The following CNTNAP4 variants were observed in gnomAD, a reference collection of about 807,000 sequenced individuals.
The protein encoded by CNTNAP4 is contactin-associated protein-like 4.
Under a neutral mutation model 148.4 loss-of-function variants are expected in CNTNAP4, and 98 were observed. The observed-to-expected ratio is 0.66, with a 90% CI of 0.56 to 0.78. CNTNAP4 has a LOEUF of 0.78. Ranked by LOEUF, CNTNAP4 falls within the 30% of genes least tolerant of loss-of-function variation. The pLI is 0.00. For synonymous variants in CNTNAP4, 730 were observed against 565.1 expected (o/e 1.29, Z -4.14); for missense variants, 1,935 against 1,565.6 (o/e 1.24, Z -3.98).
intron 3 of CNTNAP4, among the ~76,000 whole-genome samples, chr16:76,374,689 CTG>C (rs2015222659): frequency 1.3e-5 from 2 of 151,496 alleles, no homozygotes; most frequent in African/African-American, 2.4e-5. Context: ...AATTTTTAGT[CTG>C]TGAACATTTA....
chr16:76,296,371 A>T (rs1431620214), intron 1 of CNTNAP4, among the ~76,000 whole-genome samples: 1 of 152,208 alleles, frequency 6.6e-6, no homozygotes, highest in Non-Finnish European at 1.5e-5. Context: ...CTGCCTTATG[A>T]TAGAAGACTG....
At chr16:76,481,510 T>G (rs1436658698) in intron 12 of CNTNAP4, among the ~76,000 whole-genome samples, 1 of 152,094 alleles carries the variant, frequency 6.6e-6, no homozygotes, top group East Asian at 1.9e-4. Flanking sequence ...TGAGACCCCA[T>G]CTCTATTTTT....
intron 21 of CNTNAP4, among the ~76,000 whole-genome samples, chr16:76,545,021 A>C (rs2084648117): frequency 6.6e-6 from 1 of 152,224 alleles, no homozygotes; most frequent in South Asian, 2.1e-4. Flanking sequence ...GACCTAGGTA[A>C]ATTAAGGGAA....
chr16:76,392,728 C>A (rs1160472412), intron 3 of CNTNAP4, among the ~76,000 whole-genome samples: 1 of 152,136 alleles, frequency 6.6e-6, no homozygotes, highest in African/African-American at 2.4e-5. Context: ...TAGGGAGGAG[C>A]TCTTTTTTGA....
intron 2 of CNTNAP4, among the ~76,000 whole-genome samples, chr16:76,354,796 CTG>C (rs1423577951): frequency 6.6e-6 from 1 of 152,204 alleles, no homozygotes; most frequent in Non-Finnish European, 1.5e-5. Flanking sequence ...TCCCAAAAGA[CTG>C]TAAACATCTT....
At chr16:76,309,348 CA>C (rs1960840185) in intron 1 of CNTNAP4, among the ~76,000 whole-genome samples, 1 of 151,892 alleles carries the variant, frequency 6.6e-6, no homozygotes, top group African/African-American at 2.4e-5. Context: ...GGTTGGCCAC[CA>C]CCATTTGAGT....
intron 4 of CNTNAP4, among the ~76,000 whole-genome samples, chr16:76,442,817 C>G (rs1407472749): frequency 6.6e-6 from 1 of 152,070 alleles, no homozygotes; most frequent in African/African-American, 2.4e-5. Flanking sequence ...CACTGGGGAA[C>G]AAATTTCAAT....
rs367809458 is a variant in CNTNAP4, at chr16:76,522,018, C to T, written c.2537-21C>T. ...CGCCATAGGAACTCACTAGAACAAT[C>T]TTTATGTGTAATATTTCCAGCTCCG... On this transcript the variant is annotated intron_variant, in intron 16 of 23. Transcript: ENST00000611870. 3.7e-6 allele frequency: 6 copies of T among 1,610,500 alleles called. No homozygotes were observed. In the Admixed American group the frequency reaches 6.7e-5, roughly 18 times the overall value.
At chr16:76,369,381 A>C (rs564696395) in intron 3 of CNTNAP4, among the ~76,000 whole-genome samples, 129 of 152,352 alleles carry the variant, frequency 8.5e-4, no homozygotes, top group African/African-American at 3.0e-3. Flanking sequence ...AAGTATATAC[A>C]TGAAATGGGA....
At chr16:76,531,455 C>T (rs2083981746) in intron 17 of CNTNAP4, among the ~76,000 whole-genome samples, 1 of 152,138 alleles carries the variant, frequency 6.6e-6, no homozygotes, top group South Asian at 2.1e-4. Context: ...TTCAGTTAAA[C>T]TCAATAAACA....
intron 17 of CNTNAP4, among the ~76,000 whole-genome samples, chr16:76,534,639 C>G (rs1293581996): frequency 6.6e-6 from 1 of 152,198 alleles, no homozygotes; most frequent in East Asian, 1.9e-4. Context: ...TAGTGATCAT[C>G]TGAATTAGAA....
Position 76,481,602 on chromosome 16 carries a change from C to T in CNTNAP4, c.1882+2064C>T, listed in dbSNP as rs144101816. 9.5e-4 allele frequency among the ~76,000 whole-genome samples: 145 copies of T among 152,192 alleles called. 1 individual carries two copies. The highest frequency in any genetic ancestry group is 3.3e-3 in the African/African-American group (137 of 41,506). ...CTCCCGGGGCTAGTATGGAGTGTATCATTGTAGATGTAGAACCTTGTCATT... is the reference window on the plus strand; with the variant it reads ...CTCCCGGGGCTAGTATGGAGTGTATTATTGTAGATGTAGAACCTTGTCATT... On this transcript the variant is annotated intron_variant, in intron 12 of 23. Coordinates refer to ENST00000611870, the MANE Select transcript of CNTNAP4 (RefSeq NM_033401.5).
intron 3 of CNTNAP4, among the ~76,000 whole-genome samples, chr16:76,387,022 A>G (rs2340431): frequency 0.029 from 4,122 of 141,708 alleles, 89 homozygotes; most frequent in Admixed American, 0.065. Context: ...TGGAAAGGAC[A>G]AGGAAATGAA....
intron 2 of CNTNAP4, among the ~76,000 whole-genome samples, chr16:76,343,230 G>A (rs1311435390): frequency 6.6e-6 from 1 of 151,952 alleles, no homozygotes; most frequent in East Asian, 1.9e-4. Context: ...AACTGTGATA[G>A]GTGGCCTGAC....
At chr16:76,540,680 T>C (rs1431341202) in intron 20 of CNTNAP4, 23 bp from the exon 21 acceptor site, 1 of 1,514,744 alleles carries the variant, frequency 6.6e-7, no homozygotes, top group Non-Finnish European at 9.0e-7. Flanking sequence ...TGGATGTTTT[T>C]ATCTTGTGTA....
chr16:76,379,769 G>T (rs756967722), intron 3 of CNTNAP4, among the ~76,000 whole-genome samples: 68 of 152,272 alleles, frequency 4.5e-4, no homozygotes, highest in African/African-American at 1.4e-3. Flanking sequence ...ATCTTAGCTG[G>T]TTCTGACCAG....
At chr16:76,398,436 C>G (rs1447128359) in intron 3 of CNTNAP4, among the ~76,000 whole-genome samples, 2 of 152,100 alleles carry the variant, frequency 1.3e-5, no homozygotes, top group Non-Finnish European at 2.9e-5. Flanking sequence ...TTCTGTGCAC[C>G]TACCGTGTCT....
intron 2 of CNTNAP4, among the ~76,000 whole-genome samples, chr16:76,354,368 A>G (rs1393920021): frequency 1.3e-5 from 2 of 152,182 alleles, no homozygotes; most frequent in Non-Finnish European, 2.9e-5. Flanking sequence ...TAACACAGTA[A>G]ATTATGCTGT....
In CNTNAP4 at chr16:76,521,944, G is replaced by C; in HGVS notation, c.2537-95G>C. ...TATGTTCGTTATCTTTCTGTTCAGC[G>C]ATTGTTACGCTGTAGTGTGTTCCTA... On this transcript the variant is annotated intron_variant, in intron 16 of 23. Coordinates refer to ENST00000611870, the MANE Select transcript of CNTNAP4 (RefSeq NM_033401.5). 4.6e-6 allele frequency: 5 copies of C among 1,096,456 alleles called. No individual in the cohort carries two copies. The Admixed American group carries it at 8.7e-5, about 19-fold the overall frequency. The allele number at this position is 1,096,456 out of a possible 1,614,324, so 67.9% of individuals were successfully genotyped here. A position where few individuals can be genotyped will look rare whatever the true frequency, so the allele number is the denominator to read the frequency against.
Sources: gnomAD v4.1 joint callset for allele counts (sites outside exome capture counted in the v4.1 genomes callset) on GRCh38, gnomAD v4.1.1 for gene constraint, MANE v1.5 for transcripts, NCBI Gene and HGNC (gene_info 2026-07-23, HGNC 2026-07-21) for gene names.